The following RBFOX3 variants were observed in gnomAD, a reference collection of about 807,000 sequenced individuals.
The protein encoded by RBFOX3 is RNA binding protein fox-1 homolog 3.
In RBFOX3, 17 loss-of-function variants were observed where a neutral mutation model predicts 48.7. The observed-to-expected ratio is 0.35, with a 90% CI of 0.24 to 0.52. The LOEUF is 0.52. Among genes scored for constraint, RBFOX3 ranks in the 20% least tolerant of loss-of-function variants. RBFOX3 has a pLI of 0.94. For missense variants in RBFOX3, 382 were observed against 497.5 expected (o/e 0.77, Z 2.21); for synonymous variants, 212 against 209.5 (o/e 1.01, Z -0.10).
chr17:79,340,164 T>G (rs1052726151), intron 2 of RBFOX3, among the ~76,000 whole-genome samples: 1 of 151,846 alleles, frequency 6.6e-6, no homozygotes, highest in Non-Finnish European at 1.5e-5. Flanking sequence ...CCAGGTGTGG[T>G]GGTGCACGCC....
chr17:79,631,740 A>G, the RBFOX3 span, among the ~76,000 whole-genome samples: 1 of 152,134 alleles, frequency 6.6e-6, no homozygotes, highest in African/African-American at 2.4e-5. Context: ...GGGGGCCAGA[A>G]GATGGAGAAA....
the RBFOX3 span, among the ~76,000 whole-genome samples, chr17:79,628,711 C>CCA: frequency 1.3e-5 from 2 of 152,204 alleles, no homozygotes. Context: ...TCCCTGTCTC[C>CCA]CACCACTGGA....
chr17:79,117,024 G>A (rs2034202144), intron 4 of RBFOX3, among the ~76,000 whole-genome samples: 1 of 152,230 alleles, frequency 6.6e-6, no homozygotes, highest in African/African-American at 2.4e-5. Flanking sequence ...GATCCCAAGA[G>A]GAGGGCTGGG....
At chr17:79,186,401 C>T (rs944728354) in intron 4 of RBFOX3, among the ~76,000 whole-genome samples, 1 of 152,254 alleles carries the variant, frequency 6.6e-6, no homozygotes, top group African/African-American at 2.4e-5. Context: ...TTCAGAGTGT[C>T]GCGCAGGCCT....
chr17:79,442,132 G>T lies in RBFOX3; in HGVS notation c.-175+40322C>A, dbSNP rs916165341. Among the ~76,000 whole-genome samples, 9 of 150,910 alleles carry T rather than the reference G, an allele frequency of 6.0e-5. No homozygotes were observed. The South Asian group carries it at 6.3e-4, about 11-fold the overall frequency. On this transcript the variant is annotated intron_variant, in intron 2 of 14. Coordinates refer to ENST00000693108, the MANE Select transcript of RBFOX3 (RefSeq NM_001350451.2). ...CTCTCCTCTGTCCCTGCTGAGCCTG[G>T]CCTGGGAGGGAGGGGAACCCCATTC... is the stretch of plus-strand genomic sequence containing the variant.
At chr17:79,288,191 AC>A (rs1399718162) in intron 3 of RBFOX3, among the ~76,000 whole-genome samples, 4 of 151,850 alleles carry the variant, frequency 2.6e-5, no homozygotes, top group Non-Finnish European at 5.9e-5. Flanking sequence ...GACAAATCAT[AC>A]CACTTGCTGG....
chr17:79,398,976 C>T (rs949508115), intron 2 of RBFOX3, among the ~76,000 whole-genome samples: 1 of 152,234 alleles, frequency 6.6e-6, no homozygotes, highest in African/African-American at 2.4e-5. Flanking sequence ...CCCACCATGA[C>T]TGGTGTCCTT....
intron 1 of RBFOX3, among the ~76,000 whole-genome samples, chr17:79,498,081 C>T (rs1014346059): frequency 2.6e-5 from 4 of 152,180 alleles, no homozygotes; most frequent in Admixed American, 1.3e-4. Context: ...GCAAGAGGCT[C>T]TTCTGACCAC....
chr17:79,448,527 A>G (rs7222651), intron 2 of RBFOX3, among the ~76,000 whole-genome samples: 149,906 of 152,292 alleles, frequency 0.98, 73,814 homozygotes, highest in East Asian at 1. Context: ...TCTCCAAGCC[A>G]AGGAACACCT....
intron 2 of RBFOX3, among the ~76,000 whole-genome samples, chr17:79,469,518 T>A (rs1330374879): frequency 2.6e-5 from 4 of 152,166 alleles, no homozygotes; most frequent in Non-Finnish European, 5.9e-5. Context: ...CCCTGTCCCC[T>A]GTCCTGCAGG....
intron 3 of RBFOX3, among the ~76,000 whole-genome samples, chr17:79,244,602 T>C (rs1365751519): frequency 6.6e-6 from 1 of 151,698 alleles, no homozygotes; most frequent in Non-Finnish European, 1.5e-5. Context: ...TCCCAGAGCA[T>C]GGTGGCCCTT....
intron 3 of RBFOX3, among the ~76,000 whole-genome samples, chr17:79,269,124 G>C (rs200359649): frequency 1.8e-5 from 2 of 109,344 alleles, no homozygotes; most frequent in African/African-American, 2.8e-5. Flanking sequence ...ACAAAAGATA[G>C]AGACGTGCAG....
the RBFOX3 span, among the ~76,000 whole-genome samples, chr17:79,636,724 C>T: frequency 1.3e-5 from 2 of 151,772 alleles, no homozygotes; most frequent in African/African-American, 2.4e-5. Context: ...ATCAACAAAT[C>T]ATGAAGGAAG....
chr17:79,546,226 G>C (rs372876092), intron 1 of RBFOX3, among the ~76,000 whole-genome samples: 4 of 152,062 alleles, frequency 2.6e-5, no homozygotes, highest in African/African-American at 9.7e-5. Flanking sequence ...GACCTCAGCC[G>C]AGAGCCCAAA....
chr17:79,521,268 ACG>A (rs2086040375), intron 1 of RBFOX3, among the ~76,000 whole-genome samples: 6 of 143,870 alleles, frequency 4.2e-5, no homozygotes, highest in African/African-American at 1.8e-4. Context: ...TCACAGACAC[ACG>A]CACAGACACA....
chr17:79,306,430 C>G (rs2076111819), intron 3 of RBFOX3, among the ~76,000 whole-genome samples: 1 of 152,248 alleles, frequency 6.6e-6, no homozygotes, highest in Non-Finnish European at 1.5e-5. Context: ...TGCAACGGAG[C>G]CTGCTGCCAG....
intron 1 of RBFOX3, among the ~76,000 whole-genome samples, chr17:79,496,878 C>T (rs1598942155): frequency 6.6e-6 from 1 of 152,200 alleles, no homozygotes; most frequent in Non-Finnish European, 1.5e-5. Context: ...ACAATGTCTG[C>T]CACGTAGCAG....
At chr17:79,230,510 C>T (rs9905993) in intron 4 of RBFOX3, among the ~76,000 whole-genome samples, 59,831 of 151,628 alleles carry the variant, frequency 0.39, 12,558 homozygotes, top group African/African-American at 0.55. Context: ...CCGCCCGCCT[C>T]GGCCTCCCAA....
intron 2 of RBFOX3, among the ~76,000 whole-genome samples, chr17:79,333,477 C>T (rs2080719252): frequency 6.6e-6 from 1 of 152,062 alleles, no homozygotes; most frequent in African/African-American, 2.4e-5. Context: ...AGACCGAGTA[C>T]AGTATAAAGA....
Sources: allele counts gnomAD v4.1 joint callset (sites outside exome capture counted in the v4.1 genomes callset), GRCh38; gene constraint gnomAD v4.1.1; transcripts MANE v1.5; gene names NCBI Gene and HGNC (gene_info 2026-07-23, HGNC 2026-07-21).